SLC20A2: variants seen among roughly 807,000 people sequenced by gnomAD.
SLC20A2 encodes the protein solute carrier family 20 member 2, also known as sodium-dependent phosphate transporter 2.
SLC20A2 carries 30 observed loss-of-function variants against 61.0 expected under a neutral mutation model. The observed-to-expected ratio is 0.49, with a 90% CI of 0.37 to 0.67. SLC20A2 has a LOEUF of 0.67. SLC20A2 is among the 30% of genes least tolerant of loss of function. The pLI is 0.00. For missense variants in SLC20A2, 626 were observed against 866.4 expected (o/e 0.72, Z 3.48); for synonymous variants, 351 against 353.3 (o/e 0.99, Z 0.07).
chr8:42,506,086 G>A (rs886394634), upstream of SLC20A2, among the ~76,000 whole-genome samples: 11 of 152,084 alleles, frequency 7.2e-5, no homozygotes, highest in African/African-American at 2.7e-4. Flanking sequence ...GATTATAGGT[G>A]TGTGCCACCA....
intron 1 of SLC20A2, among the ~76,000 whole-genome samples, chr8:42,513,072 A>G (rs569689977): frequency 2.0e-5 from 3 of 152,354 alleles, no homozygotes; most frequent in Non-Finnish European, 4.4e-5. Flanking sequence ...TAGGCACTGA[A>G]AAAACAGGAA....
intron 9 of SLC20A2, among the ~76,000 whole-genome samples, chr8:42,429,782 T>C (rs1586000791): frequency 6.6e-6 from 1 of 152,112 alleles, no homozygotes; most frequent in Non-Finnish European, 1.5e-5. Flanking sequence ...TGGCTGAGGG[T>C]GAGCTTCTCC....
intron 10 of SLC20A2, among the ~76,000 whole-genome samples, chr8:42,427,775 C>CT (rs1303467628): frequency 1.3e-5 from 2 of 152,152 alleles, no homozygotes; most frequent in African/African-American, 4.8e-5. Flanking sequence ...TTGGCGTTGT[C>CT]TTTTAAACAT....
At chr8:42,527,102 T>A (rs184228860) in intron 1 of SLC20A2, among the ~76,000 whole-genome samples, 2,840 of 134,554 alleles carry the variant, frequency 0.021, 94 homozygotes, top group African/African-American at 0.074. Context: ...AGAGCCTGTC[T>A]CAAAAAAAAA....
chr8:42,522,904 C>CGGGGG (rs1327446804), intron 1 of SLC20A2, among the ~76,000 whole-genome samples: 4 of 86,626 alleles, frequency 4.6e-5, no homozygotes, highest in African/African-American at 2.0e-4. Context: ...GTAGAGATGG[C>CGGGGG]GGGGTGGGGG....
intron 1 of SLC20A2, among the ~76,000 whole-genome samples, chr8:42,533,070 C>A (rs1163596246): frequency 1.3e-5 from 2 of 152,104 alleles, no homozygotes; most frequent in Non-Finnish European, 2.9e-5. Context: ...GCAGAACAGG[C>A]CTATCAGGGA....
At chr8:42,518,302 G>A (rs1405359903) in intron 1 of SLC20A2, among the ~76,000 whole-genome samples, 1 of 152,134 alleles carries the variant, frequency 6.6e-6, no homozygotes, top group Non-Finnish European at 1.5e-5. Flanking sequence ...CAGGGAAATG[G>A]TTGACTATAT....
chr8:42,443,949 A>G (rs1356680214), intron 6 of SLC20A2, among the ~76,000 whole-genome samples: 1 of 152,230 alleles, frequency 6.6e-6, no homozygotes, highest in Non-Finnish European at 1.5e-5. Flanking sequence ...GGATGCCTTC[A>G]GCCGTCAGGT....
chr8:42,430,358 G>A (rs1803755009), intron 8 of SLC20A2, 109 bp from the exon 9 acceptor site: 1 of 934,498 alleles, frequency 1.1e-6, no homozygotes, highest in East Asian at 2.7e-5. Context: ...CCACAGATAT[G>A]ATGTTTTTCT....
chr8:42,434,521 T>A (rs1804095242), intron 8 of SLC20A2, among the ~76,000 whole-genome samples: 1 of 152,002 alleles, frequency 6.6e-6, no homozygotes, highest in Non-Finnish European at 1.5e-5. Context: ...TATCACTGAG[T>A]CACTGAAACT....
upstream of SLC20A2, chr8:42,501,245 T>G (rs1254796811): frequency 6.6e-6 from 1 of 152,242 alleles, no homozygotes; most frequent in African/African-American, 2.4e-5. Context: ...TTGCATCATG[T>G]GTGCCGGGAT....
chr8:42,431,347 G>C (rs569897738), intron 8 of SLC20A2, among the ~76,000 whole-genome samples: 1 of 151,946 alleles, frequency 6.6e-6, no homozygotes, highest in Admixed American at 6.5e-5. Context: ...TTAAGTCAAA[G>C]CCTAATCCAG....
chr8:42,482,610 A>G (rs528898456), intron 1 of SLC20A2, among the ~76,000 whole-genome samples: 9 of 152,294 alleles, frequency 5.9e-5, no homozygotes, highest in African/African-American at 2.2e-4. Flanking sequence ...TTACCCAGCT[A>G]CCCAGGAGGC....
chr8:42,540,298 C>A (rs372788719), intron 1 of SLC20A2, among the ~76,000 whole-genome samples: 72 of 151,832 alleles, frequency 4.7e-4, no homozygotes, highest in African/African-American at 1.7e-3. Context: ...TCAAAAAAAA[C>A]AAAACAATAA....
chr8:42,484,868 C>A (rs1396799543), intron 1 of SLC20A2: 5 of 382,058 alleles, frequency 1.3e-5, no homozygotes, highest in Admixed American at 1.2e-4. Flanking sequence ...CTGGTCTACA[C>A]GCAGCCACTG....
intron 1 of SLC20A2, among the ~76,000 whole-genome samples, chr8:42,494,054 G>A (rs922227211): frequency 4.6e-5 from 7 of 152,162 alleles, no homozygotes; most frequent in Non-Finnish European, 7.3e-5. Flanking sequence ...GAGTTGGGAG[G>A]ATCGCTCAAG....
At chr8:42,474,178 A>C (rs1298162815) in intron 1 of SLC20A2, among the ~76,000 whole-genome samples, 1 of 152,160 alleles carries the variant, frequency 6.6e-6, no homozygotes, top group African/African-American at 2.4e-5. Context: ...CTCAAAAATA[A>C]AAAATAAAAA....
At chr8:42,464,121 T>TTTTTTTTTTTTTTTTTTTTTC (rs1806951194) in intron 3 of SLC20A2, among the ~76,000 whole-genome samples, 1 of 110,468 alleles carries the variant, frequency 9.1e-6, no homozygotes, top group Admixed American at 9.4e-5. Flanking sequence ...TTTTTTTTTT[T>TTTTTTTTTTTTTTTTTTTTTC]TTGAGACAGG....
At chr8:42,423,213 T>C (rs899570265) in intron 10 of SLC20A2, among the ~76,000 whole-genome samples, 3 of 152,162 alleles carry the variant, frequency 2.0e-5, no homozygotes, top group Non-Finnish European at 4.4e-5. Context: ...AATTCAATTG[T>C]TACCTTAAAA....
Sources: gnomAD v4.1 joint callset for allele counts (sites outside exome capture counted in the v4.1 genomes callset) on GRCh38, gnomAD v4.1.1 for gene constraint, MANE v1.5 for transcripts, NCBI Gene and HGNC (gene_info 2026-07-23, HGNC 2026-07-21) for gene names.